ITGB4: variants seen among roughly 807,000 people sequenced by gnomAD.
The protein encoded by ITGB4 is integrin beta-4.
In ITGB4, 159 loss-of-function variants were observed where a neutral mutation model predicts 207.6. That is an observed-to-expected ratio of 0.77 (90% CI 0.67 to 0.87). The LOEUF (loss-of-function observed/expected upper bound fraction) is 0.87. ITGB4 is among the 40% of genes least tolerant of loss of function. The pLI is 0.00. For missense variants in ITGB4, 2,278 were observed against 2,546.8 expected (o/e 0.89, Z 2.27); for synonymous variants, 1,020 against 1,062.7 (o/e 0.96, Z 0.78).
chr17:75,754,642 C>T lies in ITGB4; in HGVS notation c.4385C>T (p.Thr1462Ile). The T allele has an allele frequency of 6.2e-7, 1 of 1,614,042 alleles. No homozygotes were observed. The highest frequency in any genetic ancestry group is 8.5e-7 in the Non-Finnish European group (1 of 1,180,000). ...PGSTNSLHRMTTTSAAAYGTH... is the reference protein window; with the variant it reads ...PGSTNSLHRMITTSAAAYGTH... ...AGCACCAACTCCCTGCACAGGATGA[C>T]CACGACCAGTGCTGCTGCCTATGGC... Residue 1462 changes from threonine to isoleucine, a missense_variant, in exon 34 of 40, where the codon ACC becomes ATC. Transcript: ENST00000200181.
chr17:75,748,729 A>G, intron 26 of ITGB4, 112 bp from the exon 27 acceptor site: 1 of 769,294 alleles, frequency 1.3e-6, no homozygotes, highest in East Asian at 2.7e-5. Flanking sequence ...TACTCCACCC[A>G]GCAAGCAGGG....
At chr17:75,745,510 G>T (rs1244692670) in intron 26 of ITGB4, among the ~76,000 whole-genome samples, 1 of 152,090 alleles carries the variant, frequency 6.6e-6, no homozygotes, top group African/African-American at 2.4e-5. Flanking sequence ...ACAGTGGGAG[G>T]ATCACTTGAG....
Position 75,729,386 on chromosome 17 carries a change from G to C in ITGB4, c.688G>C (p.Asp230His). ...LQGERISGNL[D>H]APEGGFDAIL... is the part of the protein sequence containing the mutation. The stretch of plus-strand genomic sequence containing the variant: ...GGGAGAGCGGATCTCAGGCAACCTG[G>C]ATGCTCCTGAGGGCGGCTTCGATGC... The change falls in exon 7 of 40, where the codon GAT becomes CAT. Residue 230 changes from aspartate (D) to histidine (H), a missense_variant. By Grantham distance (81) the Asp-to-His change is moderately conservative (BLOSUM62 -1). Transcript: ENST00000200181. This position sits in a 1 kb window ranked among gnomAD's most constrained non-coding sequence, Gnocchi z 4.4. The C allele has an allele frequency of 6.2e-7, 1 of 1,614,192 alleles. No individual in the cohort carries two copies. The highest frequency in any genetic ancestry group is 8.5e-7 in the Non-Finnish European group (1 of 1,180,040).
rs751816976 is a variant in ITGB4, at chr17:75,740,437, G to A, written c.2526G>A (p.Gln842=). ...LLKPDTRECA[Q]LRQEVEENLN... ...AGCCTGACACTCGGGAGTGCGCCCA[G>A]CTGCGCCAGGAGGTGGAGGAGAACG... The change falls in exon 21 of 40, where the codon CAG becomes CAA. Residue 842 remains glutamine (Q), a synonymous_variant. Transcript: ENST00000200181. The surrounding 1 kb of genome is among the most constrained non-coding windows in gnomAD (Gnocchi z 5.9). 3.0e-5 allele frequency: 49 copies of A among 1,613,804 alleles called. No individual in the cohort carries two copies. Among genetic ancestry groups the A allele is most frequent in the Non-Finnish European group, 4.2e-5 (49 of 1,179,990 alleles).
intron 23 of ITGB4, 85 bp downstream of exon 23, chr17:75,741,090 C>T: frequency 1.4e-6 from 2 of 1,452,638 alleles, no homozygotes; most frequent in South Asian, 1.2e-5. Context: ...CGTCCCTACT[C>T]CATCTCCATC....
At chr17:75,737,691 A>G in intron 18 of ITGB4, 47 bp downstream of exon 18, 3 of 1,499,300 alleles carry the variant, frequency 2.0e-6, no homozygotes, top group South Asian at 2.3e-5. Context: ...CAGGGTCCCC[A>G]CCCCAACAGG....
In ITGB4 at chr17:75,727,890, G is replaced by T. The variant is rs1187935293; in HGVS notation, c.469+35G>T. On this transcript the variant is annotated intron_variant, in intron 5 of 39. Transcript: ENST00000200181. This position sits in a 1 kb window ranked among gnomAD's most constrained non-coding sequence, Gnocchi z 6.0. Reference sequence around the variant, plus strand: ...GGCCAGAGTGGAGGACAGCAGGGCAGGAGGGGGACAGGTGGGCGTCTGCTT... The same window carrying T: ...GGCCAGAGTGGAGGACAGCAGGGCATGAGGGGGACAGGTGGGCGTCTGCTT... The T allele has an allele frequency of 6.2e-7, 1 of 1,601,662 alleles. No homozygotes were observed. Among genetic ancestry groups the T allele is most frequent in the African/African-American group, 1.3e-5 (1 of 74,782 alleles).
chr17:75,757,038 C>CA lies in ITGB4; in HGVS notation c.5150dup (p.Ala1718GlyfsTer5). ...GAACGTGCCCTACAAGTTCAAGGTG[C>CA]AGGCCAGGACCACTGAGGGCTTCGG... On this transcript the variant is annotated frameshift_variant, in exon 38 of 40. Coordinates refer to ENST00000200181, the MANE Select transcript of ITGB4 (RefSeq NM_000213.5). LOFTEE classifies it high-confidence loss of function. 6.2e-7 allele frequency: 1 copy of CA among 1,612,750 alleles called. No homozygotes were observed. The highest frequency in any genetic ancestry group is 1.1e-5 in the South Asian group (1 of 91,068).
rs780935102 is a variant in ITGB4, at chr17:75,740,880, G to T, written c.2609+29G>T. 1.9e-6 allele frequency: 3 copies of T among 1,613,534 alleles called. No homozygotes were observed. The highest frequency in any genetic ancestry group is 2.5e-6 in the Non-Finnish European group (3 of 1,179,940). ...AGTCCCGGGGTGCCCGGGTTGGGTG[G>T]GGGAGCCGCTCCTACCGGGACTCCA... is the stretch of plus-strand genomic sequence containing the variant. On this transcript the variant is annotated intron_variant, in intron 22 of 39. Coordinates refer to ENST00000200181, the MANE Select transcript of ITGB4 (RefSeq NM_000213.5). This position sits in a 1 kb window ranked among gnomAD's most constrained non-coding sequence, Gnocchi z 5.9.
intron 32 of ITGB4, among the ~76,000 whole-genome samples, chr17:75,753,145 C>A (rs972680731): frequency 4.6e-5 from 7 of 152,254 alleles, no homozygotes; most frequent in African/African-American, 1.7e-4. Flanking sequence ...TCACACAGTA[C>A]CATGAGTGGA....
At chr17:75,752,400 G>C (rs776962649) in intron 31 of ITGB4, 44 bp downstream of exon 31, 1 of 1,612,736 alleles carries the variant, frequency 6.2e-7, no homozygotes, top group South Asian at 1.1e-5. Context: ...GGGCAGGGGG[G>C]CAGGGGGCAG....
At position 75,732,308 on chromosome 17, in the gene ITGB4, G is replaced by T. The variant is rs8079424; in HGVS notation, c.1454+69G>T. On this transcript the variant is annotated intron_variant, in intron 12 of 39. Coordinates refer to ENST00000200181, the MANE Select transcript of ITGB4 (RefSeq NM_000213.5). This position sits in a 1 kb window ranked among gnomAD's most constrained non-coding sequence, Gnocchi z 5.3. ...CTGATGGGAAAGCTGGGCTCCTGCA[G>T]GGGCCTGGCCCTGGGTGCACCTTGT... 1 of 1,493,888 alleles carries T rather than the reference G, an allele frequency of 6.7e-7. No individual in the cohort carries two copies. Among genetic ancestry groups the T allele is most frequent in the Admixed American group, 1.7e-5 (1 of 59,680 alleles). The allele number at this position is 1,493,888 out of a possible 1,614,324, so 92.5% of individuals were successfully genotyped here. A position where few individuals can be genotyped will look rare whatever the true frequency, so the allele number is the denominator to read the frequency against.
At chr17:75,744,548 G>A (rs1424819715) in intron 26 of ITGB4, among the ~76,000 whole-genome samples, 1 of 152,138 alleles carries the variant, frequency 6.6e-6, no homozygotes, top group Non-Finnish European at 1.5e-5. Flanking sequence ...CCCCAGTCCA[G>A]GGGGCTTTGG....
intron 34 of ITGB4, 47 bp downstream of exon 34, chr17:75,754,862 C>T: frequency 1.2e-6 from 2 of 1,612,980 alleles, no homozygotes; most frequent in Non-Finnish European, 1.7e-6. Flanking sequence ...CCCTTCCTCT[C>T]TTCCAGCTCC....
Position 75,728,456 on chromosome 17 carries a change from G to A in ITGB4, c.549G>A (p.Thr183=), listed in dbSNP as rs1599221233. ...KFVDKVSVPQ[T]DMRPEKLKEP... is the part of the protein sequence containing the mutation. ...TGGACAAAGTCAGCGTCCCGCAGAC[G>A]GACATGAGGCCTGAGAAGTAAGTGA... The change falls in exon 6 of 40, where the codon ACG becomes ACA. Residue 183 remains threonine (T), a synonymous_variant. Coordinates refer to ENST00000200181, the MANE Select transcript of ITGB4 (RefSeq NM_000213.5). The A allele has an allele frequency of 2.5e-6, 4 of 1,613,914 alleles. No homozygotes were observed. Among genetic ancestry groups the A allele is most frequent in the Non-Finnish European group, 3.4e-6 (4 of 1,179,828 alleles).
chr17:75,724,657 G>A (rs758037839), intron 1 of ITGB4, 37 bp from the exon 2 acceptor site: 2 of 1,446,970 alleles, frequency 1.4e-6, no homozygotes, highest in African/African-American at 1.4e-5. Flanking sequence ...GACCATGGCT[G>A]TGGAGGCCTC....
In ITGB4 at chr17:75,750,981, C is replaced by T. The variant is rs774118950; in HGVS notation, c.3663C>T (p.Ser1221=). 3 of 1,613,714 alleles carry T rather than the reference C, an allele frequency of 1.9e-6. No homozygotes were observed. The highest frequency in any genetic ancestry group is 1.3e-5 in the African/African-American group (1 of 75,056). ...VSCRTHQEVP[S]EPGRLAFNVV... ...GTATTCCCCGCTCCCTAGTGCCCAG[C>T]GAGCCAGGGCGTCTGGCCTTCAATG... The change falls in exon 30 of 40, where the codon AGC becomes AGT. Residue 1221 remains serine (S), a synonymous_variant. Coordinates refer to ENST00000200181, the MANE Select transcript of ITGB4 (RefSeq NM_000213.5). The surrounding 1 kb of genome is among the most constrained non-coding windows in gnomAD (Gnocchi z 5.5).
intron 2 of ITGB4, 48 bp downstream of exon 2, chr17:75,724,830 G>A (rs2060686666): frequency 1.3e-6 from 2 of 1,500,912 alleles, no homozygotes; most frequent in East Asian, 2.3e-5. Flanking sequence ...ATCATCCCTT[G>A]GGCAGGCATT....
chr17:75,736,849 C>T lies in ITGB4; in HGVS notation c.1990+155C>T, dbSNP rs920100854. The stretch of plus-strand genomic sequence containing the variant: ...CAGAGCTGGGAGGGACCACAGAACC[C>T]AGATAGAGGACACCGAATCCCAGAA... On this transcript the variant is annotated intron_variant, in intron 16 of 39. Coordinates refer to ENST00000200181, the MANE Select transcript of ITGB4 (RefSeq NM_000213.5). 4.8e-6 allele frequency: 4 copies of T among 833,252 alleles called. No homozygotes were observed. The Admixed American group carries it at 9.0e-5, about 19-fold the overall frequency. The allele number at this position is 833,252 out of a possible 1,614,324, so 51.6% of individuals were successfully genotyped here. A position where few individuals can be genotyped will look rare whatever the true frequency, so the allele number is the denominator to read the frequency against.
Sources: gnomAD v4.1 joint callset for allele counts (sites outside exome capture counted in the v4.1 genomes callset) on GRCh38, gnomAD v4.1.1 for gene constraint, Gnocchi (gnomAD v3.1) non-coding constraint, MANE v1.5 for transcripts, NCBI Gene and HGNC (gene_info 2026-07-23, HGNC 2026-07-21) for gene names.